SUGCT: variants seen among roughly 807,000 people sequenced by gnomAD.
The protein encoded by SUGCT is succinyl-CoA:glutarate-CoA transferase.
Under a neutral mutation model 55.0 loss-of-function variants are expected in SUGCT, and 41 were observed. The ratio of observed to expected loss-of-function variants is 0.74; its 90% CI spans 0.58 to 0.97. SUGCT has a LOEUF of 0.97. SUGCT is among the 50% of genes least tolerant of loss of function. The probability of loss-of-function intolerance (pLI) is 0.00; values close to 1 mark genes in which losing one functional copy is unlikely to be tolerated. For missense variants in SUGCT, 568 were observed against 547.8 expected, an observed-to-expected ratio of 1.04 and a Z score of -0.37; for synonymous variants, 187 against 200.4, an observed-to-expected ratio of 0.93 and a Z score of 0.56.
At chr7:40,774,750 A>G (rs367827482) in intron 13 of SUGCT, among the ~76,000 whole-genome samples, 2 of 151,210 alleles carry the variant, frequency 1.3e-5, no homozygotes, top group African/African-American at 4.9e-5. Flanking sequence ...TAACTGTGAA[A>G]TATAACGACT....
chr7:40,931,565 G>T, the SUGCT span, among the ~76,000 whole-genome samples: 12 of 152,018 alleles, frequency 7.9e-5, no homozygotes, highest in African/African-American at 2.9e-4. Context: ...ACTTTTTTTG[G>T]TTGATAGGCT....
chr7:40,918,769 C>T, the SUGCT span, among the ~76,000 whole-genome samples: 4 of 152,186 alleles, frequency 2.6e-5, no homozygotes, highest in Non-Finnish European at 5.9e-5. Context: ...AAATTCCATT[C>T]TTAGTGGTTC....
At chr7:40,655,016 T>C (rs1207221722) in intron 12 of SUGCT, among the ~76,000 whole-genome samples, 9 of 152,196 alleles carry the variant, frequency 5.9e-5, no homozygotes, top group African/African-American at 2.2e-4. Context: ...AATATAATTA[T>C]AGGCTAGGTG....
chr7:40,812,454 G>C (rs140030741), intron 13 of SUGCT, among the ~76,000 whole-genome samples: 2 of 152,012 alleles, frequency 1.3e-5, no homozygotes, highest in East Asian at 3.9e-4. Context: ...ATTTTGGGAG[G>C]TTATGTGTTT....
At chr7:40,597,661 T>C (rs1431309135) in intron 12 of SUGCT, among the ~76,000 whole-genome samples, 1 of 152,160 alleles carries the variant, frequency 6.6e-6, no homozygotes, top group Non-Finnish European at 1.5e-5. Context: ...GCCTGAGACC[T>C]TGAAGAGCTC....
chr7:40,455,481 T>TAAG (rs1789430210), intron 10 of SUGCT, among the ~76,000 whole-genome samples: 1 of 152,124 alleles, frequency 6.6e-6, no homozygotes, highest in Non-Finnish European at 1.5e-5. Context: ...TAAGTTAAAG[T>TAAG]AAGAAGATGG....
At chr7:40,926,464 C>T in the SUGCT span, among the ~76,000 whole-genome samples, 1 of 151,776 alleles carries the variant, frequency 6.6e-6, no homozygotes, top group South Asian at 2.1e-4. Context: ...AAGATAAAAA[C>T]TTAGAATAAA....
intron 12 of SUGCT, among the ~76,000 whole-genome samples, chr7:40,596,580 A>G (rs1798018434): frequency 6.6e-6 from 1 of 152,194 alleles, no homozygotes; most frequent in Non-Finnish European, 1.5e-5. Flanking sequence ...CTTCTCCTCC[A>G]TGAATGGGCC....
At chr7:40,635,460 A>C (rs1799984674) in intron 12 of SUGCT, among the ~76,000 whole-genome samples, 1 of 152,224 alleles carries the variant, frequency 6.6e-6, no homozygotes, top group African/African-American at 2.4e-5. Context: ...GACAATATAC[A>C]ACAGATGACA....
intron 9 of SUGCT, among the ~76,000 whole-genome samples, chr7:40,361,850 T>C (rs921952090): frequency 2.6e-5 from 4 of 151,826 alleles, no homozygotes; most frequent in Admixed American, 6.6e-5. Flanking sequence ...TGAGGGCACA[T>C]TGGAATCACA....
intron 12 of SUGCT, among the ~76,000 whole-genome samples, chr7:40,656,883 G>A (rs1164703056): frequency 6.6e-6 from 1 of 152,180 alleles, no homozygotes; most frequent in Admixed American, 6.5e-5. Flanking sequence ...GAGTCATTTT[G>A]CTGCAGTTAA....
At chr7:40,859,326 T>C (rs960086580) in intron 13 of SUGCT, among the ~76,000 whole-genome samples, 1 of 152,224 alleles carries the variant, frequency 6.6e-6, no homozygotes, top group Non-Finnish European at 1.5e-5. Context: ...TGGCCTTTAA[T>C]GGGAGACAGT....
intron 12 of SUGCT, among the ~76,000 whole-genome samples, chr7:40,723,048 C>T (rs1027253046): frequency 2.6e-4 from 39 of 152,170 alleles, no homozygotes; most frequent in African/African-American, 9.2e-4. Flanking sequence ...ACATTTTTTA[C>T]AGGACTATTG....
At chr7:40,780,440 T>A (rs1019192163) in intron 13 of SUGCT, among the ~76,000 whole-genome samples, 1 of 152,176 alleles carries the variant, frequency 6.6e-6, no homozygotes, top group African/African-American at 2.4e-5. Flanking sequence ...TCAAAAACTG[T>A]AAGCAGACAT....
chr7:40,706,591 T>C (rs1369895609), intron 12 of SUGCT, among the ~76,000 whole-genome samples: 2 of 152,168 alleles, frequency 1.3e-5, no homozygotes, highest in African/African-American at 2.4e-5. Flanking sequence ...TGGACTTGAT[T>C]ATAATAAGTG....
At chr7:40,805,350 C>G (rs1329433468) in intron 13 of SUGCT, among the ~76,000 whole-genome samples, 1 of 152,060 alleles carries the variant, frequency 6.6e-6, no homozygotes. Flanking sequence ...TTCTGCCCCC[C>G]GGAAGTTCTC....
At chr7:40,728,450 C>T (rs1209516) in intron 12 of SUGCT, among the ~76,000 whole-genome samples, 8 of 151,920 alleles carry the variant, frequency 5.3e-5, no homozygotes, top group East Asian at 3.9e-4. Flanking sequence ...ACTGGGAAGG[C>T]GGAGGTTGCA....
Position 40,603,667 on chromosome 7 carries a change from A to G in SUGCT, c.1089+107281A>G, listed in dbSNP as rs575555921. Reference sequence around the variant, plus strand: ...GTTCAAGGCATGAGGCCCTGGGTTTAGGGTGTAAGTCAAGTGGACTAGAAA... The same window carrying G: ...GTTCAAGGCATGAGGCCCTGGGTTTGGGGTGTAAGTCAAGTGGACTAGAAA... On this transcript the variant is annotated intron_variant, in intron 12 of 13. Transcript: ENST00000335693. Among the ~76,000 whole-genome samples the G allele has an allele frequency of 2.0e-5, 3 of 152,310 alleles. No individual in the cohort carries two copies. In the East Asian group the frequency reaches 5.8e-4, roughly 29 times the overall value.
intron 1 of SUGCT, among the ~76,000 whole-genome samples, chr7:40,155,988 C>G (rs1460583345): frequency 2.0e-5 from 3 of 151,698 alleles, no homozygotes; most frequent in African/African-American, 7.3e-5. Context: ...TTCTGAGTAT[C>G]TGGGATCACA....
Sources: allele counts gnomAD v4.1 joint callset (sites outside exome capture counted in the v4.1 genomes callset), GRCh38; gene constraint gnomAD v4.1.1; transcripts MANE v1.5; gene names NCBI Gene and HGNC (gene_info 2026-07-23, HGNC 2026-07-21).